Variants in CECR2 observed in about 807,000 individuals in gnomAD.
The protein encoded by CECR2 is chromatin remodeling regulator CECR2.
In CECR2, 30 loss-of-function variants were observed where a neutral mutation model predicts 154.5. The observed-to-expected ratio is 0.19, with a 90% CI of 0.15 to 0.26. CECR2 has a LOEUF of 0.26. CECR2 is among the 10% of genes least tolerant of loss of function. CECR2 has a pLI of 1.00. For missense variants in CECR2, 1,743 were observed against 1,829.3 expected, an observed-to-expected ratio of 0.95 and a Z score of 0.86; for synonymous variants, 725 against 683.7, an observed-to-expected ratio of 1.06 and a Z score of -0.94.
chr22:17,506,756 C>T (rs565233782), intron 7 of CECR2, among the ~76,000 whole-genome samples: 1 of 152,170 alleles, frequency 6.6e-6, no homozygotes, highest in Non-Finnish European at 1.5e-5. Context: ...TGGGTTCAAG[C>T]GATTCTCATG....
At chr22:17,443,415 C>T (rs2054612631) in intron 1 of CECR2, among the ~76,000 whole-genome samples, 1 of 152,098 alleles carries the variant, frequency 6.6e-6, no homozygotes, top group South Asian at 2.1e-4. Context: ...GAAAAAAGGG[C>T]AGAATCCCTT....
chr22:17,505,340 T>TA (rs796552463), intron 7 of CECR2, among the ~76,000 whole-genome samples: 3,706 of 143,414 alleles, frequency 0.026, 131 homozygotes, highest in African/African-American at 0.085. Context: ...TGTAATGCTT[T>TA]AAAAAAAAAA....
intron 2 of CECR2, among the ~76,000 whole-genome samples, chr22:17,496,452 A>G (rs2055629814): frequency 6.6e-6 from 1 of 151,918 alleles, no homozygotes; most frequent in Admixed American, 6.6e-5. Context: ...GTGAGCTGAC[A>G]TCGAGCCACT....
intron 1 of CECR2, among the ~76,000 whole-genome samples, chr22:17,385,508 C>T (rs2063247601): frequency 6.6e-6 from 1 of 152,180 alleles, no homozygotes; most frequent in African/African-American, 2.4e-5. Context: ...AGAACACACG[C>T]ATTTATCAAT....
At chr22:17,418,269 C>T (rs1034766425) in intron 1 of CECR2, among the ~76,000 whole-genome samples, 1 of 152,128 alleles carries the variant, frequency 6.6e-6, no homozygotes, top group Middle Eastern at 3.2e-3. Context: ...TAACATATGC[C>T]GTTTTACTTG....
intron 1 of CECR2, among the ~76,000 whole-genome samples, chr22:17,415,333 G>T (rs538993123): frequency 1.3e-5 from 2 of 152,200 alleles, no homozygotes; most frequent in East Asian, 3.9e-4. Context: ...CACCTCCCAG[G>T]CTCAAGCCAT....
Position 17,548,435 on chromosome 22 carries a change from G to A in CECR2, c.3148G>A (p.Gly1050Ser). The change falls in exon 17 of 19, where the codon GGC becomes AGC. Residue 1050 changes from glycine (G) to serine (S), a missense_variant. Gly to Ser is a moderately conservative substitution (Grantham distance 56). Transcript: ENST00000262608. ...AGACCTCTCCACGGTGGCAGACAGG[G>A]GCGCTCTATCCGAGAACGGAGTCAT... ...VRDLSTVADR[G>S]ALSENGVIGE... is the part of the protein sequence containing the mutation. 6.2e-7 allele frequency: 1 copy of A among 1,613,990 alleles called. No individual in the cohort carries two copies. Among genetic ancestry groups the A allele is most frequent in the Non-Finnish European group, 8.5e-7 (1 of 1,179,890 alleles).
chr22:17,401,828 A>ACCCCAC (rs2053897092), intron 1 of CECR2, among the ~76,000 whole-genome samples: 1 of 114,150 alleles, frequency 8.8e-6, no homozygotes, highest in Non-Finnish European at 1.8e-5. Flanking sequence ...AATATTTAAC[A>ACCCCAC]CCCCCCCCCG....
chr22:17,471,754 C>T (rs2522291), intron 1 of CECR2, among the ~76,000 whole-genome samples: 31,372 of 151,862 alleles, frequency 0.21, 3,444 homozygotes, highest in African/African-American at 0.29. Context: ...AGGTGGGTCT[C>T]GAACTCCTGA....
intron 1 of CECR2, among the ~76,000 whole-genome samples, chr22:17,403,059 C>T (rs554749741): frequency 3.7e-4 from 56 of 152,316 alleles, no homozygotes; most frequent in African/African-American, 1.3e-3. Context: ...CGGCAGTTTC[C>T]CCATCTTTTC....
chr22:17,503,690 A>AT lies in CECR2; in HGVS notation c.700+568dup, dbSNP rs1053900090. 9.9e-5 allele frequency among the ~76,000 whole-genome samples: 15 copies of AT among 151,556 alleles called. 1 individual carries two copies. The highest frequency in any genetic ancestry group is 5.3e-4 in the Admixed American group (8 of 15,192). On this transcript the variant is annotated intron_variant, in intron 6 of 18. Coordinates refer to ENST00000262608, the MANE Select transcript of CECR2 (RefSeq NM_001290047.2). ...TATTTGTATTGCCTTTAGACATTAC[A>AT]TTTTTTTTTAGTTGTTAACAATGAC...
intron 1 of CECR2, among the ~76,000 whole-genome samples, chr22:17,461,507 C>T (rs1262093852): frequency 1.3e-5 from 2 of 152,184 alleles, no homozygotes; most frequent in East Asian, 3.8e-4. Flanking sequence ...AATTTACCAT[C>T]ATTTGCTAGG....
chr22:17,467,164 C>T (rs5747187), intron 1 of CECR2, among the ~76,000 whole-genome samples: 11,242 of 152,236 alleles, frequency 0.074, 555 homozygotes, highest in South Asian at 0.21. Flanking sequence ...ATCTTTTAAG[C>T]TTCTGCTCAG....
At chr22:17,531,867 C>G (rs1028667943) in intron 9 of CECR2, among the ~76,000 whole-genome samples, 7 of 152,280 alleles carry the variant, frequency 4.6e-5, no homozygotes, top group Non-Finnish European at 7.4e-5. Context: ...CAGCAGACCT[C>G]AGGGGACGAT....
chr22:17,525,245 A>ATTGTACTCC lies in CECR2; in HGVS notation c.1108+975_1108+983dup, dbSNP rs2056238841. ...GGTTGCGGTGAGCCAAGATCGTGCC[A>ATTGTACTCC]TTGTACTCCAGCCTGGGCAACAAGA... is the stretch of plus-strand genomic sequence containing the variant. On this transcript the variant is annotated intron_variant, in intron 9 of 18. Transcript: ENST00000262608. Among the ~76,000 whole-genome samples, 4 of 126,610 alleles carry ATTGTACTCC rather than the reference A, an allele frequency of 3.2e-5. 1 individual carries two copies. In the South Asian group the frequency reaches 1.1e-3, roughly 36 times the overall value. The allele number at this position is 126,610 out of a possible 152,430, so 83.1% of individuals were successfully genotyped here.
intron 5 of CECR2, among the ~76,000 whole-genome samples, 161 bp from the exon 6 acceptor site, chr22:17,502,921 T>G (rs1176598490): frequency 6.6e-6 from 1 of 152,212 alleles, no homozygotes; most frequent in African/African-American, 2.4e-5. Context: ...TGCATCTTAG[T>G]GTTCATTTAT....
chr22:17,371,852 C>T (rs2063065171), intron 1 of CECR2, among the ~76,000 whole-genome samples: 1 of 152,154 alleles, frequency 6.6e-6, no homozygotes, highest in South Asian at 2.1e-4. Context: ...ACTCATTTTG[C>T]CTTAAGTACT....
intron 1 of CECR2, among the ~76,000 whole-genome samples, chr22:17,413,250 C>T (rs1228075969): frequency 1.3e-5 from 2 of 152,150 alleles, no homozygotes; most frequent in Non-Finnish European, 2.9e-5. Context: ...ATGGTTCTAA[C>T]CTTGGAGAGT....
chr22:17,395,044 T>G (rs1311610385), intron 1 of CECR2, among the ~76,000 whole-genome samples: 1 of 152,200 alleles, frequency 6.6e-6, no homozygotes, highest in African/African-American at 2.4e-5. Context: ...GTACCTACCA[T>G]CAATCAAGAT....
Sources: allele counts gnomAD v4.1 joint callset (sites outside exome capture counted in the v4.1 genomes callset), GRCh38; gene constraint gnomAD v4.1.1; transcripts MANE v1.5; gene names NCBI Gene and HGNC (gene_info 2026-07-23, HGNC 2026-07-21).